Variants in AKAP6 observed in about 807,000 individuals in gnomAD.
AKAP6 encodes A-kinase anchoring protein 6, also known as A-kinase anchor protein 6.
Under a neutral mutation model 188.5 loss-of-function variants are expected in AKAP6, and 58 were observed. That is an observed-to-expected ratio of 0.31 (90% CI 0.25 to 0.38). AKAP6 has a LOEUF of 0.38. AKAP6 is among the 10% of genes least tolerant of loss of function. The pLI, the probability that AKAP6 is intolerant of heterozygous loss-of-function variation, is 1.00. For synonymous variants in AKAP6, 989 were observed against 998.6 expected (o/e 0.99, Z 0.18); for missense variants, 2,710 against 2,740.0 (o/e 0.99, Z 0.24).
intron 2 of AKAP6, among the ~76,000 whole-genome samples, chr14:32,464,784 T>C (rs1294537240): frequency 2.0e-5 from 3 of 152,254 alleles, no homozygotes; most frequent in Admixed American, 1.3e-4. Context: ...GGTATTCAAT[T>C]AGGAAATGAG....
At chr14:32,511,629 G>A (rs1195108792) in intron 2 of AKAP6, among the ~76,000 whole-genome samples, 1 of 151,964 alleles carries the variant, frequency 6.6e-6, no homozygotes, top group African/African-American at 2.4e-5. Flanking sequence ...CACCCACCTC[G>A]GCCTCCCAAA....
intron 3 of AKAP6, among the ~76,000 whole-genome samples, chr14:32,536,637 G>A (rs897577565): frequency 6.6e-6 from 1 of 151,992 alleles, no homozygotes; most frequent in African/African-American, 2.4e-5. Context: ...ATGGACATTA[G>A]AATATTATAC....
At chr14:32,804,809 A>G (rs1416666656) in intron 12 of AKAP6, among the ~76,000 whole-genome samples, 1 of 152,112 alleles carries the variant, frequency 6.6e-6, no homozygotes, top group Non-Finnish European at 1.5e-5. Context: ...CCAGGAATGC[A>G]TTCCTTTCCC....
chr14:32,764,921 A>G (rs908186387), intron 11 of AKAP6, among the ~76,000 whole-genome samples: 4 of 150,324 alleles, frequency 2.7e-5, no homozygotes, highest in East Asian at 2.0e-4. Context: ...ATTATTTTGC[A>G]TTCAAGTGAA....
At chr14:32,618,128 A>G (rs1886659791) in intron 7 of AKAP6, among the ~76,000 whole-genome samples, 3 of 152,034 alleles carry the variant, frequency 2.0e-5, no homozygotes, top group Admixed American at 2.0e-4. Flanking sequence ...AGCCTAAAAA[A>G]GAAAGAAAAA....
chr14:32,826,962 T>C (rs927658229), intron 13 of AKAP6, among the ~76,000 whole-genome samples: 2 of 152,208 alleles, frequency 1.3e-5, no homozygotes, highest in African/African-American at 4.8e-5. Flanking sequence ...TAGAGCCATT[T>C]AAATAGCCAT....
rs1006529341 is a variant in AKAP6, at chr14:32,836,586, T to C, written c.*6781T>C. 2.6e-5 allele frequency: 4 copies of C among 152,096 alleles called. No homozygotes were observed. The highest frequency in any genetic ancestry group is 4.8e-5 in the African/African-American group (2 of 41,404). 9.4% of individuals were successfully genotyped at this position (152,096 alleles called of 1,614,324 possible). ...CATTCTCTCCTACTCAAGCAGAGTA[T>C]CTTAAGGCAGCAGATTGGAGTGACG... On this transcript the variant is annotated 3_prime_UTR_variant, in exon 14 of 14. Coordinates refer to ENST00000280979, the MANE Select transcript of AKAP6 (RefSeq NM_004274.5).
intron 7 of AKAP6, among the ~76,000 whole-genome samples, chr14:32,650,235 C>T (rs1888152147): frequency 6.6e-6 from 1 of 152,150 alleles, no homozygotes; most frequent in African/African-American, 2.4e-5. Context: ...CCTAATTCAC[C>T]TTAGCTGTGT....
At chr14:32,639,224 G>A (rs1422557302) in intron 7 of AKAP6, among the ~76,000 whole-genome samples, 1 of 152,122 alleles carries the variant, frequency 6.6e-6, no homozygotes, top group African/African-American at 2.4e-5. Context: ...CGTTGTTTTT[G>A]CATGAATGTA....
chr14:32,752,757 A>G (rs1232974514), intron 11 of AKAP6, among the ~76,000 whole-genome samples: 2 of 152,184 alleles, frequency 1.3e-5, no homozygotes, highest in Non-Finnish European at 2.9e-5. Flanking sequence ...TTAAAATTTT[A>G]CATATAAATG....
At chr14:32,537,209 T>C (rs1033852395) in intron 3 of AKAP6, among the ~76,000 whole-genome samples, 1 of 152,242 alleles carries the variant, frequency 6.6e-6, no homozygotes, top group Non-Finnish European at 1.5e-5. Context: ...TCTATAGGAA[T>C]CAAAATCGAC....
chr14:32,624,017 C>T (rs1886915618), intron 7 of AKAP6, among the ~76,000 whole-genome samples: 1 of 152,086 alleles, frequency 6.6e-6, no homozygotes, highest in South Asian at 2.1e-4. Context: ...ACAGTGATAA[C>T]ATGAGTAAAA....
chr14:32,381,091 C>G (rs1273974223), intron 1 of AKAP6, among the ~76,000 whole-genome samples: 4 of 152,102 alleles, frequency 2.6e-5, no homozygotes, highest in African/African-American at 9.7e-5. Context: ...AATCCTAGCA[C>G]TTTGTGAGGC....
chr14:32,768,634 A>G (rs1373379231), intron 11 of AKAP6, among the ~76,000 whole-genome samples: 1 of 152,200 alleles, frequency 6.6e-6, no homozygotes, highest in Non-Finnish European at 1.5e-5. Context: ...TACCAGTTTC[A>G]TTCCAGAATT....
intron 1 of AKAP6, among the ~76,000 whole-genome samples, chr14:32,407,249 T>A (rs368329228): frequency 6.6e-6 from 1 of 152,308 alleles, no homozygotes; most frequent in South Asian, 2.1e-4. Flanking sequence ...CTTTTACTAA[T>A]CTATGGAAAA....
chr14:32,508,201 A>G lies in AKAP6; in HGVS notation c.325-27353A>G, dbSNP rs373219991. Among the ~76,000 whole-genome samples the G allele has an allele frequency of 1.8e-4, 28 of 152,382 alleles. No individual in the cohort carries two copies. In the East Asian group the frequency reaches 3.3e-3, roughly 18 times the overall value. On this transcript the variant is annotated intron_variant, in intron 2 of 13. Coordinates refer to ENST00000280979, the MANE Select transcript of AKAP6 (RefSeq NM_004274.5). ...GTCCTTAAGGTTGTTCTTAACAAGA[A>G]AATCACATAATGAAAGAGGGAATTC...
At chr14:32,648,703 T>A (rs1014652703) in intron 7 of AKAP6, among the ~76,000 whole-genome samples, 1 of 152,142 alleles carries the variant, frequency 6.6e-6, no homozygotes, top group African/African-American at 2.4e-5. Flanking sequence ...AAGCATACTC[T>A]GTGTTTGTTA....
intron 13 of AKAP6, among the ~76,000 whole-genome samples, chr14:32,826,571 G>T (rs1221129671): frequency 6.6e-6 from 1 of 152,200 alleles, no homozygotes; most frequent in Non-Finnish European, 1.5e-5. Context: ...TCATGTGACT[G>T]TGACCCTCAA....
At chr14:32,812,387 T>TA (rs1270090156) in intron 12 of AKAP6, among the ~76,000 whole-genome samples, 3 of 152,130 alleles carry the variant, frequency 2.0e-5, no homozygotes, top group African/African-American at 7.2e-5. Flanking sequence ...TTCCTAAATT[T>TA]TTAAAAAATT....
Sources: gnomAD v4.1 joint callset for allele counts (sites outside exome capture counted in the v4.1 genomes callset) on GRCh38, gnomAD v4.1.1 for gene constraint, MANE v1.5 for transcripts, NCBI Gene and HGNC (gene_info 2026-07-23, HGNC 2026-07-21) for gene names.